Variants in LRRTM4 observed in about 807,000 individuals in gnomAD.
LRRTM4 encodes the protein leucine-rich repeat transmembrane neuronal protein 4.
Under a neutral mutation model 47.6 loss-of-function variants are expected in LRRTM4, and 25 were observed. The observed-to-expected ratio is 0.53, with a 90% CI of 0.38 to 0.73. The LOEUF (loss-of-function observed/expected upper bound fraction) is 0.73. Ranked by LOEUF, LRRTM4 falls within the 30% of genes least tolerant of loss-of-function variation. The pLI, the probability that LRRTM4 is intolerant of heterozygous loss-of-function variation, is 0.00. For synonymous variants in LRRTM4, 311 were observed against 269.5 expected (o/e 1.15, Z -1.51); for missense variants, 638 against 713.4 (o/e 0.89, Z 1.20).
intron 3 of LRRTM4, among the ~76,000 whole-genome samples, chr2:76,779,982 G>C (rs1024470994): frequency 1.0e-3 from 155 of 152,130 alleles, no homozygotes; most frequent in African/African-American, 3.6e-3. Context: ...CTCAGCATTT[G>C]CTTGTCTGTA....
rs140781211 is a variant in LRRTM4 at position 77,087,769 on chromosome 2, G to A, written c.1552-338853C>T. On this transcript the variant is annotated intron_variant, in intron 3 of 3. Coordinates refer to ENST00000409884, the MANE Select transcript of LRRTM4 (RefSeq NM_001134745.3). The stretch of plus-strand genomic sequence containing the variant: ...GTACATAGCATTATCAAAATAGAAT[G>A]AGAATATATGTAAAATAAAATGTAT... 2.1e-3 allele frequency among the ~76,000 whole-genome samples: 322 copies of A among 152,258 alleles called. 4 individuals are homozygous for A. The highest frequency in any genetic ancestry group is 6.5e-3 in the African/African-American group (272 of 41,550).
chr2:76,815,353 C>G (rs543286014), intron 3 of LRRTM4, among the ~76,000 whole-genome samples: 45 of 152,046 alleles, frequency 3.0e-4, no homozygotes, highest in Non-Finnish European at 4.6e-4. Flanking sequence ...GGCTCCAAGC[C>G]TGCCAGAAGC....
At chr2:76,928,852 T>C (rs548369968) in intron 3 of LRRTM4, among the ~76,000 whole-genome samples, 2 of 152,286 alleles carry the variant, frequency 1.3e-5, no homozygotes, top group African/African-American at 4.8e-5. Context: ...AAGAATGTGA[T>C]GTAGTCAACT....
chr2:77,165,342 G>C (rs949299778), intron 3 of LRRTM4, among the ~76,000 whole-genome samples: 1 of 152,062 alleles, frequency 6.6e-6, no homozygotes. Flanking sequence ...ACCAAAAAAA[G>C]TCCAGGACCG....
intron 3 of LRRTM4, among the ~76,000 whole-genome samples, chr2:77,260,174 C>T (rs1675879892): frequency 6.6e-6 from 1 of 151,896 alleles, no homozygotes; most frequent in African/African-American, 2.4e-5. Context: ...GTACAGAATA[C>T]TCAGGTTTAC....
intron 3 of LRRTM4, among the ~76,000 whole-genome samples, chr2:77,065,583 G>A (rs765773489): frequency 1.3e-5 from 2 of 152,110 alleles, no homozygotes; most frequent in East Asian, 1.9e-4. Context: ...AGAATAACAC[G>A]TTGGATTATA....
rs995823441 is a variant in LRRTM4, at chr2:77,137,380, C to T, written c.1551+380938G>A. ...TTTCATATCCAGCCAAACTAAGCTT[C>T]GTAAGTGAAGGAGAAATAAAATCCT... On this transcript the variant is annotated intron_variant, in intron 3 of 3. Coordinates refer to ENST00000409884, the MANE Select transcript of LRRTM4 (RefSeq NM_001134745.3). 6.6e-5 allele frequency among the ~76,000 whole-genome samples: 10 copies of T among 151,800 alleles called. 2 individuals are homozygous for T. Among genetic ancestry groups the T allele is most frequent in the African/African-American group, 1.7e-4 (7 of 41,138 alleles).
At chr2:76,912,808 C>G (rs1674116549) in intron 3 of LRRTM4, among the ~76,000 whole-genome samples, 1 of 152,114 alleles carries the variant, frequency 6.6e-6, no homozygotes, top group Admixed American at 6.6e-5. Context: ...TGGCACCTCC[C>G]CCACTCTCAT....
chr2:77,183,788 T>C (rs570707397), intron 3 of LRRTM4, among the ~76,000 whole-genome samples: 281 of 152,272 alleles, frequency 1.8e-3, no homozygotes, highest in Non-Finnish European at 3.4e-3. Context: ...TGTAGGGACA[T>C]GGATGAAGCT....
In LRRTM4 at chr2:77,478,664, G is replaced by T. The variant is rs539970384; in HGVS notation, c.1551+39654C>A. Reference sequence around the variant, plus strand: ...GACACATTTCATTGAAAACAATCTGGGTTTTCAAGTGATTCAACTAGATAA... The same window carrying T: ...GACACATTTCATTGAAAACAATCTGTGTTTTCAAGTGATTCAACTAGATAA... On this transcript the variant is annotated intron_variant, in intron 3 of 3. Coordinates refer to ENST00000409884, the MANE Select transcript of LRRTM4 (RefSeq NM_001134745.3). Among the ~76,000 whole-genome samples, 3 of 152,114 alleles carry T rather than the reference G, an allele frequency of 2.0e-5. No homozygotes were observed. In the East Asian group the frequency reaches 5.8e-4, roughly 29 times the overall value.
At chr2:77,315,888 C>T (rs1677604431) in intron 3 of LRRTM4, among the ~76,000 whole-genome samples, 1 of 152,198 alleles carries the variant, frequency 6.6e-6, no homozygotes, top group African/African-American at 2.4e-5. Flanking sequence ...TCCAATTTGT[C>T]AAACTACCTC....
At chr2:76,756,816 C>T (rs148144694) in intron 3 of LRRTM4, among the ~76,000 whole-genome samples, 7 of 151,970 alleles carry the variant, frequency 4.6e-5, no homozygotes, top group East Asian at 1.9e-4. Context: ...CGAAAGAAGA[C>T]GAGGAAGGCA....
rs185304660 is a variant in LRRTM4 at position 77,311,513 on chromosome 2, G to C, written c.1551+206805C>G. On this transcript the variant is annotated intron_variant, in intron 3 of 3. Coordinates refer to ENST00000409884, the MANE Select transcript of LRRTM4 (RefSeq NM_001134745.3). ...AGTCCTTGCTTTGCACATCATTAAA[G>C]TGTGGGTGATTGATGGCACTACTGC... Among the ~76,000 whole-genome samples the C allele has an allele frequency of 1.2e-4, 19 of 152,330 alleles. No individual in the cohort carries two copies. The East Asian group carries it at 3.5e-3, about 28-fold the overall frequency.
At chr2:76,886,801 A>G (rs1673090763) in intron 3 of LRRTM4, among the ~76,000 whole-genome samples, 1 of 152,016 alleles carries the variant, frequency 6.6e-6, no homozygotes, top group Non-Finnish European at 1.5e-5. Flanking sequence ...CAATGCAACC[A>G]AGACTCATTC....
At chr2:77,288,869 T>A (rs10180141) in intron 3 of LRRTM4, among the ~76,000 whole-genome samples, 22 of 151,952 alleles carry the variant, frequency 1.4e-4, no homozygotes, top group Non-Finnish European at 2.8e-4. Context: ...CCAATTGGGA[T>A]GGAGCCACAG....
chr2:77,363,121 G>T (rs554800354), intron 3 of LRRTM4, among the ~76,000 whole-genome samples: 1 of 152,264 alleles, frequency 6.6e-6, no homozygotes, highest in Non-Finnish European at 1.5e-5. Flanking sequence ...AGTTTACTTC[G>T]TGAATCCATA....
chr2:77,292,651 A>T (rs1676858848), intron 3 of LRRTM4, among the ~76,000 whole-genome samples: 1 of 143,526 alleles, frequency 7.0e-6, no homozygotes, highest in Non-Finnish European at 1.5e-5. Context: ...GAACAATGAG[A>T]ACACATGGAC....
rs1290786708 is a variant in LRRTM4, at chr2:76,747,785, T to C, written c.*910A>G. On this transcript the variant is annotated 3_prime_UTR_variant, in exon 4 of 4. Transcript: ENST00000409884. ...TACACAAAAGCTAATTGATAATTAA[T>C]TTAAAAAGCAATGTTACACATTATC... 2 of 152,244 alleles carry C rather than the reference T, an allele frequency of 1.3e-5. No individual in the cohort carries two copies. The highest frequency in any genetic ancestry group is 2.9e-5 in the Non-Finnish European group (2 of 68,040). The allele number at this position is 152,244 out of a possible 1,614,324, so 9.4% of individuals were successfully genotyped here. A position where few individuals can be genotyped will look rare whatever the true frequency, so the allele number is the denominator to read the frequency against.
At chr2:76,849,774 G>T (rs1034887132) in intron 3 of LRRTM4, among the ~76,000 whole-genome samples, 1 of 152,012 alleles carries the variant, frequency 6.6e-6, no homozygotes, top group African/African-American at 2.4e-5. Context: ...ATAATTAAAG[G>T]TTTCTCATAG....
Sources: gnomAD v4.1 joint callset for allele counts (sites outside exome capture counted in the v4.1 genomes callset) on GRCh38, gnomAD v4.1.1 for gene constraint, MANE v1.5 for transcripts, NCBI Gene and HGNC (gene_info 2026-07-23, HGNC 2026-07-21) for gene names.